The following DDX10 variants were observed in gnomAD, a reference collection of about 807,000 sequenced individuals.
DDX10 encodes the protein DEAD-box helicase 10, also known as probable ATP-dependent RNA helicase DDX10.
A neutral mutation model predicts 104.3 loss-of-function variants in DDX10; 74 were observed. That is an observed-to-expected ratio of 0.71 (90% CI 0.59 to 0.86). The LOEUF is 0.86. DDX10 is among the 40% of genes least tolerant of loss of function. DDX10 has a pLI of 0.00. For missense variants in DDX10, 952 were observed against 1,040.0 expected (o/e 0.92, Z 1.16); for synonymous variants, 351 against 353.4 (o/e 0.99, Z 0.08).
chr11:108,870,532 T>A (rs1235133785), intron 16 of DDX10, among the ~76,000 whole-genome samples: 1 of 152,196 alleles, frequency 6.6e-6, no homozygotes, highest in Non-Finnish European at 1.5e-5. Flanking sequence ...TCAAATGCAC[T>A]AAGCAGATTC....
At chr11:108,819,403 G>T (rs1195904642) in intron 13 of DDX10, among the ~76,000 whole-genome samples, 1 of 152,082 alleles carries the variant, frequency 6.6e-6, no homozygotes, top group Non-Finnish European at 1.5e-5. Context: ...ATTTAGATTA[G>T]CATTTTGACC....
In DDX10 at chr11:108,665,326, A is replaced by G; in HGVS notation, c.173A>G (p.Gln58Arg). The G allele has an allele frequency of 6.3e-7, 1 of 1,591,936 alleles. No individual in the cohort carries two copies. Among genetic ancestry groups the G allele is most frequent in the Non-Finnish European group, 8.5e-7 (1 of 1,170,402 alleles). ...VERESISRLM[Q>R]NYEKINVNEI... ...CGCGAGAGTATCAGCCGCCTCATGC[A>G]GAACTATGAAAAGGTGAGGCCGGCG... Residue 58 changes from glutamine (Q) to arginine (R), a missense_variant, in exon 1 of 18, where the codon CAG becomes CGG. Transcript: ENST00000322536.
chr11:108,695,870 A>G (rs1220397387), intron 9 of DDX10, among the ~76,000 whole-genome samples: 3 of 152,032 alleles, frequency 2.0e-5, no homozygotes, highest in Non-Finnish European at 4.4e-5. Context: ...TTTGACCAGC[A>G]TGAAAGAAGG....
chr11:108,845,131 C>G (rs967622578), intron 15 of DDX10, among the ~76,000 whole-genome samples: 1 of 152,064 alleles, frequency 6.6e-6, no homozygotes, highest in Non-Finnish European at 1.5e-5. Flanking sequence ...TGGCATGAAC[C>G]CGGGAGGCGG....
At chr11:108,828,424 T>C (rs1052456889) in intron 13 of DDX10, among the ~76,000 whole-genome samples, 1 of 152,204 alleles carries the variant, frequency 6.6e-6, no homozygotes, top group African/African-American at 2.4e-5. Context: ...ATTACTGACT[T>C]ACTTTACTTA....
chr11:108,766,338 T>C (rs992219968), intron 13 of DDX10, among the ~76,000 whole-genome samples: 2 of 152,230 alleles, frequency 1.3e-5, no homozygotes, highest in Non-Finnish European at 2.9e-5. Context: ...GTTTCTGTCT[T>C]AATTGTCATC....
At chr11:108,700,174 C>T (rs1298654346) in intron 9 of DDX10, among the ~76,000 whole-genome samples, 2 of 152,166 alleles carry the variant, frequency 1.3e-5, no homozygotes, top group Non-Finnish European at 2.9e-5. Flanking sequence ...GCATCCTCTT[C>T]CCTACCTCCC....
intron 13 of DDX10, among the ~76,000 whole-genome samples, chr11:108,837,611 T>TTTTTTTC (rs1862573819): frequency 1.6e-5 from 1 of 62,796 alleles, no homozygotes; most frequent in Non-Finnish European, 3.1e-5. Flanking sequence ...ATACAGCTTT[T>TTTTTTTC]TTTTTTTTTT....
At chr11:108,896,262 A>G (rs757042651) in intron 16 of DDX10, among the ~76,000 whole-genome samples, 13 of 152,268 alleles carry the variant, frequency 8.5e-5, no homozygotes, top group South Asian at 2.1e-4. Context: ...ACAAATGAAC[A>G]AGCATGCTTG....
intron 13 of DDX10, among the ~76,000 whole-genome samples, chr11:108,787,643 T>C (rs1236711651): frequency 6.6e-6 from 1 of 151,996 alleles, no homozygotes; most frequent in Admixed American, 6.6e-5. Flanking sequence ...ATACTTTTGA[T>C]TGTAAGGGGC....
chr11:108,686,824 G>A (rs1487937774), intron 6 of DDX10, among the ~76,000 whole-genome samples: 10 of 152,040 alleles, frequency 6.6e-5, no homozygotes, highest in South Asian at 4.1e-4. Context: ...TTGCTCTGTC[G>A]CCCAGGCTGG....
In DDX10 at chr11:108,679,506, G is replaced by T. The variant is rs774783994; in HGVS notation, c.794G>T (p.Arg265Leu). The T allele has an allele frequency of 4.3e-6, 7 of 1,612,558 alleles. No individual in the cohort carries two copies. In the South Asian group the frequency reaches 5.5e-5, roughly 13 times the overall value. ...ACTAAATCTGTAAAGGACCTTGCAC[G>T]CTTGAGTTTGAAAAACCCTGAGTAT... ...TQTKSVKDLA[R>L]LSLKNPEYVW... is the part of the protein sequence containing the mutation. Residue 265 changes from arginine to leucine, a missense_variant, in exon 6 of 18, where the codon CGC becomes CTC. This residue lies in a region of DDX10 where 412 missense variants were observed against 479.2 expected (regional missense o/e 0.86). Transcript: ENST00000322536.
intron 13 of DDX10, among the ~76,000 whole-genome samples, chr11:108,833,112 C>T (rs866036153): frequency 2.1e-4 from 32 of 152,314 alleles, no homozygotes; most frequent in African/African-American, 6.7e-4. Flanking sequence ...GTGTAAAATA[C>T]ACCATCAGTG....
chr11:108,812,717 C>T (rs1862200413), intron 13 of DDX10, among the ~76,000 whole-genome samples: 1 of 152,084 alleles, frequency 6.6e-6, no homozygotes, highest in African/African-American at 2.4e-5. Context: ...TGCGGTGGCT[C>T]ATGCCTGTAA....
At chr11:108,890,590 A>T in intron 16 of DDX10, among the ~76,000 whole-genome samples, 1 of 150,896 alleles carries the variant, frequency 6.6e-6, no homozygotes, top group Non-Finnish European at 1.5e-5. Context: ...AAAGGCCTCT[A>T]CCCTGCATAG....
At chr11:108,919,400 C>T (rs1863794384) in intron 17 of DDX10, 1 of 152,202 alleles carries the variant, frequency 6.6e-6, no homozygotes, top group Non-Finnish European at 1.5e-5. Flanking sequence ...AAATTGACCT[C>T]TAAGAGTAAA....
chr11:108,896,805 G>A (rs1459940947), intron 16 of DDX10, among the ~76,000 whole-genome samples: 1 of 151,960 alleles, frequency 6.6e-6, no homozygotes, highest in Admixed American at 6.6e-5. Flanking sequence ...ATCCTTACAT[G>A]ATAGTGACAT....
intron 13 of DDX10, among the ~76,000 whole-genome samples, chr11:108,756,954 AGACATCCT>A: frequency 6.6e-6 from 1 of 152,190 alleles, no homozygotes; most frequent in Middle Eastern, 3.4e-3. Context: ...ATAATTCCTC[AGACATCCT>A]GACACACAAT....
chr11:108,750,982 A>G (rs956822457), intron 13 of DDX10, among the ~76,000 whole-genome samples: 5 of 85,204 alleles, frequency 5.9e-5, no homozygotes, highest in South Asian at 4.3e-4. Flanking sequence ...GGCTTTCACT[A>G]TGTTGCCCAT....
Sources: gnomAD v4.1 joint callset for allele counts (sites outside exome capture counted in the v4.1 genomes callset) on GRCh38, gnomAD v4.1.1 for gene constraint, gnomAD v4.1.1 regional missense constraint, MANE v1.5 for transcripts, NCBI Gene and HGNC (gene_info 2026-07-23, HGNC 2026-07-21) for gene names.